Variants in ANTXR2 observed in about 807,000 individuals in gnomAD.
ANTXR2 encodes ANTXR cell adhesion molecule 2.
Under a neutral mutation model 73.7 loss-of-function variants are expected in ANTXR2, and 44 were observed. That is an observed-to-expected ratio of 0.60 (90% confidence interval 0.47 to 0.77). The LOEUF (loss-of-function observed/expected upper bound fraction) is 0.77, where lower values mean the gene tolerates loss of function less well. Ranked by LOEUF, ANTXR2 falls within the 30% of genes least tolerant of loss-of-function variation. The pLI is 0.00. For missense variants in ANTXR2, 604 were observed against 592.5 expected (o/e 1.02, Z -0.20); for synonymous variants, 217 against 205.9 (o/e 1.05, Z -0.46).
At chr4:79,959,809 T>C (rs963617355) in intron 16 of ANTXR2, among the ~76,000 whole-genome samples, 2 of 152,176 alleles carry the variant, frequency 1.3e-5, no homozygotes, top group African/African-American at 4.8e-5. Context: ...ATATAAGCTC[T>C]CAGAGACATG....
At chr4:80,002,732 T>C (rs1157486908) in intron 12 of ANTXR2, among the ~76,000 whole-genome samples, 2 of 151,686 alleles carry the variant, frequency 1.3e-5, no homozygotes, top group Non-Finnish European at 2.9e-5. Context: ...CCAACAACCC[T>C]ATCAAAAAGT....
intron 16 of ANTXR2, among the ~76,000 whole-genome samples, chr4:79,910,308 A>C (rs1727073592): frequency 6.6e-6 from 1 of 152,110 alleles, no homozygotes; most frequent in African/African-American, 2.4e-5. Context: ...CAAGAGATCA[A>C]GACCATCCTG....
intron 16 of ANTXR2, among the ~76,000 whole-genome samples, chr4:79,928,857 A>G (rs1352132592): frequency 1.3e-5 from 2 of 152,220 alleles, no homozygotes; most frequent in Non-Finnish European, 2.9e-5. Context: ...ATATATACAT[A>G]TATTTGCAAG....
intron 12 of ANTXR2, among the ~76,000 whole-genome samples, chr4:80,001,558 A>G (rs1204286055): frequency 6.6e-6 from 1 of 151,560 alleles, no homozygotes; most frequent in Non-Finnish European, 1.5e-5. Context: ...GTAGATGTCT[A>G]TTAGGTCCGC....
At chr4:80,052,480 C>T (rs1733815021) in intron 7 of ANTXR2, among the ~76,000 whole-genome samples, 1 of 151,568 alleles carries the variant, frequency 6.6e-6, no homozygotes, top group African/African-American at 2.4e-5. Context: ...TTAATCAAAC[C>T]AGGTTTGGTT....
intron 7 of ANTXR2, among the ~76,000 whole-genome samples, chr4:80,048,230 C>T (rs562909132): frequency 2.1e-5 from 3 of 145,782 alleles, no homozygotes; most frequent in East Asian, 4.0e-4. Context: ...ATGAATTAAG[C>T]AATGACTACT....
intron 16 of ANTXR2, among the ~76,000 whole-genome samples, chr4:79,912,899 A>G (rs1411968806): frequency 6.6e-6 from 1 of 152,180 alleles, no homozygotes; most frequent in Non-Finnish European, 1.5e-5. Flanking sequence ...GATTGTAATT[A>G]TGCAAAGACT....
chr4:79,926,734 C>G (rs577011838), intron 16 of ANTXR2, among the ~76,000 whole-genome samples: 2 of 151,986 alleles, frequency 1.3e-5, no homozygotes, highest in South Asian at 4.1e-4. Context: ...AGCAAAAATG[C>G]CTGAGCTGGG....
chr4:79,927,279 T>G (rs1397553318), intron 16 of ANTXR2, among the ~76,000 whole-genome samples: 1 of 123,938 alleles, frequency 8.1e-6, no homozygotes, highest in East Asian at 2.5e-4. Flanking sequence ...AGAGAGTAGA[T>G]TTTAGGAGCT....
At chr4:79,993,331 GAA>G (rs1467457224) in intron 12 of ANTXR2, among the ~76,000 whole-genome samples, 2 of 151,564 alleles carry the variant, frequency 1.3e-5, no homozygotes, top group Non-Finnish European at 2.9e-5. Context: ...AAAAGGGAGA[GAA>G]GAGAGGAAGA....
chr4:80,052,530 A>G (rs1370822630), intron 7 of ANTXR2, among the ~76,000 whole-genome samples: 2 of 151,690 alleles, frequency 1.3e-5, no homozygotes, highest in Admixed American at 1.3e-4. Flanking sequence ...TCTGCCAGAT[A>G]CTACGATGTT....
intron 16 of ANTXR2, among the ~76,000 whole-genome samples, chr4:79,930,916 G>A (rs190799402): frequency 1.3e-5 from 2 of 152,268 alleles, no homozygotes; most frequent in East Asian, 3.9e-4. Flanking sequence ...TTATAGATAT[G>A]AGAGTTGTTG....
At chr4:80,016,521 T>G (rs1292704530) in intron 11 of ANTXR2, among the ~76,000 whole-genome samples, 1 of 152,230 alleles carries the variant, frequency 6.6e-6, no homozygotes, top group Non-Finnish European at 1.5e-5. Context: ...GAAATTTTGT[T>G]GCCTAATTTA....
chr4:79,910,424 G>A (rs749417704), intron 16 of ANTXR2, among the ~76,000 whole-genome samples: 82 of 148,552 alleles, frequency 5.5e-4, no homozygotes, highest in Non-Finnish European at 9.8e-4. Context: ...CAGGAGAATC[G>A]CTTGAACCCG....
rs185830175 is a variant in ANTXR2 at position 79,951,102 on chromosome 4, C to T, written c.1428+26519G>A. ...ATACTTGTAGGAAAACAAAATAAAA[C>T]AAACAAAAAACCCAACTTGTTTTCA... On this transcript the variant is annotated intron_variant, in intron 16 of 16. Transcript: ENST00000403729. Among the ~76,000 whole-genome samples, 29 of 152,176 alleles carry T rather than the reference C, an allele frequency of 1.9e-4. 1 individual carries two copies. Among genetic ancestry groups the T allele is most frequent in the African/African-American group, 6.5e-4 (27 of 41,540 alleles).
At chr4:79,933,896 G>A (rs1463901016) in intron 16 of ANTXR2, among the ~76,000 whole-genome samples, 2 of 151,702 alleles carry the variant, frequency 1.3e-5, no homozygotes, top group Admixed American at 6.6e-5. Context: ...CACCACGCCC[G>A]GCTAATTTTG....
At chr4:80,073,233 A>C (rs1305288050), upstream of ANTXR2, 4 of 152,548 alleles carry the variant, frequency 2.6e-5, no homozygotes, top group Non-Finnish European at 5.9e-5. Flanking sequence ...TGCGTGTGTC[A>C]GTGTGCGCCT....
chr4:80,001,704 C>G (rs1272546386), intron 12 of ANTXR2, among the ~76,000 whole-genome samples: 1 of 150,874 alleles, frequency 6.6e-6, no homozygotes, highest in Non-Finnish European at 1.5e-5. Context: ...GTAGGTCACT[C>G]AGGACTTGCT....
chr4:80,047,491 T>C (rs763745066), intron 7 of ANTXR2, among the ~76,000 whole-genome samples: 1 of 151,668 alleles, frequency 6.6e-6, no homozygotes, highest in Non-Finnish European at 1.5e-5. Context: ...ATAGTGCTCC[T>C]TTCTATTTGG....
Sources: allele counts gnomAD v4.1 joint callset (sites outside exome capture counted in the v4.1 genomes callset), GRCh38; gene constraint gnomAD v4.1.1; transcripts MANE v1.5; gene names NCBI Gene and HGNC (gene_info 2026-07-23, HGNC 2026-07-21).